The following SEL1L3 variants were observed in gnomAD, a reference collection of about 807,000 sequenced individuals.
The protein encoded by SEL1L3 is protein sel-1 homolog 3.
In SEL1L3, 76 loss-of-function variants were observed where a neutral mutation model predicts 142.8. The observed-to-expected ratio is 0.53, with a 90% CI of 0.44 to 0.64. SEL1L3 has a LOEUF of 0.64. Ranked by LOEUF, SEL1L3 falls within the 30% of genes least tolerant of loss-of-function variation. The pLI is 0.00. For missense variants in SEL1L3, 1,262 were observed against 1,381.7 expected (o/e 0.91, Z 1.37); for synonymous variants, 504 against 519.6 (o/e 0.97, Z 0.41).
At chr4:25,832,936 A>T in intron 5 of SEL1L3, 59 bp downstream of exon 5, 1 of 1,062,600 alleles carries the variant, frequency 9.4e-7, no homozygotes, top group East Asian at 2.4e-5. Flanking sequence ...CTTTATAGCA[A>T]TGCTTAACTT....
In SEL1L3 at chr4:25,795,902, G is replaced by A. The variant is rs78601568; in HGVS notation, c.1957-5328C>T. On this transcript the variant is annotated intron_variant, in intron 11 of 23. Transcript: ENST00000399878. ...AACAGTTTTGTGGGCAGGAAAAGCC[G>A]GGAAGAAGCTGTGGACTGGGAGAAA... Among the ~76,000 whole-genome samples the A allele has an allele frequency of 6.6e-5, 10 of 151,564 alleles. No homozygotes were observed. The East Asian group carries it at 7.8e-4, about 12-fold the overall frequency.
At chr4:25,830,066 A>T in intron 6 of SEL1L3, 32 bp downstream of exon 6, 1 of 1,506,106 alleles carries the variant, frequency 6.6e-7, no homozygotes, top group Admixed American at 1.7e-5. Context: ...GCATGCAGGC[A>T]AATTTTGAAT....
At chr4:25,725,844 G>A in the SEL1L3 span, among the ~76,000 whole-genome samples, 4 of 152,100 alleles carry the variant, frequency 2.6e-5, no homozygotes, top group South Asian at 4.2e-4. Context: ...GCATGCTAAC[G>A]TATTATAATT....
the SEL1L3 span, among the ~76,000 whole-genome samples, chr4:25,717,501 A>G: frequency 1.3e-5 from 2 of 152,074 alleles, no homozygotes; most frequent in African/African-American, 4.8e-5. Context: ...CCCCATCTCT[A>G]CTAAAAATAC....
chr4:25,847,644 T>G lies in SEL1L3; in HGVS notation c.383A>C (p.Tyr128Ser). Residue 128 changes from tyrosine to serine, a missense_variant, in exon 2 of 24, where the codon TAC becomes TCC. Physicochemically the swap from Tyr to Ser is moderately radical, Grantham distance 144. Transcript: ENST00000399878. ...SSEFRSSIPV[Y>S]KKRWKNEKHL... ...TTTCTCATTCTTCCACCTTTTTTTG[T>G]ACACGGGAATGCTACTTCTGAACTC... The G allele has an allele frequency of 1.9e-6, 3 of 1,614,022 alleles. No individual in the cohort carries two copies. Among genetic ancestry groups the G allele is most frequent in the Non-Finnish European group, 2.5e-6 (3 of 1,179,876 alleles).
intron 11 of SEL1L3, among the ~76,000 whole-genome samples, chr4:25,795,054 G>C (rs537162637): frequency 6.7e-6 from 1 of 150,310 alleles, no homozygotes; most frequent in South Asian, 2.1e-4. Flanking sequence ...GGGGCCTCTT[G>C]GGGGGTGGGG....
intron 9 of SEL1L3, among the ~76,000 whole-genome samples, chr4:25,806,283 C>G (rs777099359): frequency 1.3e-5 from 2 of 151,484 alleles, no homozygotes; most frequent in Non-Finnish European, 2.9e-5. Flanking sequence ...GTGATCCGCC[C>G]GCCTAGGCCT....
In SEL1L3 at chr4:25,776,383, A is replaced by C. The variant is rs776727838; in HGVS notation, c.2586-23T>G. ...CATCTGAAAAAAAAAAGGGAAGAGA[A>C]AATACGCAAACCATGGCAAATTTAA... is the stretch of plus-strand genomic sequence containing the variant. On this transcript the variant is annotated intron_variant, in intron 16 of 23. Coordinates refer to ENST00000399878, the MANE Select transcript of SEL1L3 (RefSeq NM_015187.5). 4 of 1,507,886 alleles carry C rather than the reference A, an allele frequency of 2.7e-6. No homozygotes were observed. The East Asian group carries it at 6.8e-5, about 25-fold the overall frequency. The allele number at this position is 1,507,886 out of a possible 1,614,324, so 93.4% of individuals were successfully genotyped here.
chr4:25,793,287 T>C (rs1712487891), intron 11 of SEL1L3, among the ~76,000 whole-genome samples: 1 of 152,018 alleles, frequency 6.6e-6, no homozygotes, highest in African/African-American at 2.4e-5. Flanking sequence ...GGAAACATGT[T>C]TGTCCTTTTT....
At chr4:25,757,827 C>T (rs1177117441) in intron 21 of SEL1L3, 37 bp from the exon 22 acceptor site, 1 of 1,489,976 alleles carries the variant, frequency 6.7e-7, no homozygotes, top group African/African-American at 1.4e-5. Flanking sequence ...ACGTGTCAGC[C>T]AACTTTGGTG....
intron 6 of SEL1L3, among the ~76,000 whole-genome samples, chr4:25,823,487 C>G (rs985162765): frequency 6.6e-6 from 1 of 152,020 alleles, no homozygotes; most frequent in Non-Finnish European, 1.5e-5. Flanking sequence ...GCACTCCAAC[C>G]TGGGTGACAA....
chr4:25,804,508 G>T, intron 10 of SEL1L3, 33 bp downstream of exon 10: 2 of 1,476,414 alleles, frequency 1.4e-6, no homozygotes, highest in Non-Finnish European at 1.9e-6. Context: ...TAATGCAAGT[G>T]ACTGATGTTA....
rs16877638 is a variant in SEL1L3 at position 25,835,159 on chromosome 4, C to T, written c.860+38G>A. On this transcript the variant is annotated intron_variant, in intron 3 of 23. Coordinates refer to ENST00000399878, the MANE Select transcript of SEL1L3 (RefSeq NM_015187.5). ...TGCTCTGGTCCTCAAATAAAACAAG[C>T]ACCGCCCGATCAGCTCCCTTCTGCT... 2.3e-3 allele frequency: 3,699 copies of T among 1,610,264 alleles called. 77 individuals carry two copies. The African/African-American group carries it at 0.041, about 18-fold the overall frequency.
At chr4:25,848,248 C>G (rs923070361) in intron 1 of SEL1L3, among the ~76,000 whole-genome samples, 2 of 152,176 alleles carry the variant, frequency 1.3e-5, no homozygotes, top group Non-Finnish European at 2.9e-5. Flanking sequence ...ATTTTCAAAC[C>G]ATTGTCCTGA....
chr4:25,722,812 G>A, the SEL1L3 span, among the ~76,000 whole-genome samples: 5 of 151,866 alleles, frequency 3.3e-5, no homozygotes, highest in African/African-American at 1.2e-4. Flanking sequence ...TGGGCACACA[G>A]GTTCAAGCTA....
At chr4:25,737,611 AG>A in the SEL1L3 span, among the ~76,000 whole-genome samples, 1 of 152,288 alleles carries the variant, frequency 6.6e-6, no homozygotes, top group East Asian at 1.9e-4. Context: ...GAGTTTTGGG[AG>A]GACACAAACA....
At chr4:25,823,608 G>A (rs895785578) in intron 6 of SEL1L3, among the ~76,000 whole-genome samples, 5 of 152,104 alleles carry the variant, frequency 3.3e-5, no homozygotes, top group East Asian at 3.8e-4. Flanking sequence ...ATAGATCACA[G>A]CATATGTGTG....
intron 23 of SEL1L3, among the ~76,000 whole-genome samples, chr4:25,751,760 G>A (rs1342099432): frequency 6.6e-6 from 1 of 151,466 alleles, no homozygotes; most frequent in Admixed American, 6.6e-5. Context: ...AGTATCAATT[G>A]AGCTATCTTG....
At chr4:25,851,300 C>T (rs952521436) in intron 1 of SEL1L3, among the ~76,000 whole-genome samples, 7 of 152,088 alleles carry the variant, frequency 4.6e-5, no homozygotes, top group Non-Finnish European at 1.0e-4. Flanking sequence ...TTTCATTGCC[C>T]CAAAATGAAA....
Sources: gnomAD v4.1 joint callset for allele counts (sites outside exome capture counted in the v4.1 genomes callset) on GRCh38, gnomAD v4.1.1 for gene constraint, MANE v1.5 for transcripts, NCBI Gene and HGNC (gene_info 2026-07-23, HGNC 2026-07-21) for gene names.